Variants in RPH3AL observed in about 807,000 individuals in gnomAD.
RPH3AL encodes the protein rab effector Noc2.
A neutral mutation model predicts 43.1 loss-of-function variants in RPH3AL; 38 were observed. The ratio of observed to expected loss-of-function variants is 0.88; its 90% CI spans 0.68 to 1.15. The LOEUF (loss-of-function observed/expected upper bound fraction) is 1.15, where lower values mean the gene tolerates loss of function less well. RPH3AL is among the 50% of genes most tolerant of loss of function. The probability of loss-of-function intolerance (pLI) is 0.00; values close to 1 mark genes in which losing one functional copy is unlikely to be tolerated. For missense variants in RPH3AL, 462 were observed against 423.2 expected (o/e 1.09, Z -0.81); for synonymous variants, 189 against 176.3 (o/e 1.07, Z -0.57).
chr17:333,310 T>C lies in RPH3AL; in HGVS notation c.-37+449A>G. On this transcript the variant is annotated intron_variant, in intron 2 of 9. Coordinates refer to ENST00000331302, the MANE Select transcript of RPH3AL (RefSeq NM_006987.4). The surrounding 1 kb of genome is among the most constrained non-coding windows in gnomAD (Gnocchi z 4.5). ...TCACTCCTGGGGGCGGTAGGATATTTTATCCTAAAGAGAAAACACCTTAAA... is the reference window on the plus strand; with the variant it reads ...TCACTCCTGGGGGCGGTAGGATATTCTATCCTAAAGAGAAAACACCTTAAA... 2 of 1,283,534 alleles carry C rather than the reference T, an allele frequency of 1.6e-6. No individual in the cohort carries two copies. The highest frequency in any genetic ancestry group is 2.0e-6 in the Non-Finnish European group (2 of 985,170). The allele number at this position is 1,283,534 out of a possible 1,614,324, so 79.5% of individuals were successfully genotyped here.
intron 6 of RPH3AL, among the ~76,000 whole-genome samples, chr17:277,135 G>C (rs986739060): frequency 6.6e-6 from 1 of 152,096 alleles, no homozygotes; most frequent in African/African-American, 2.4e-5. Context: ...ACAGTAATAA[G>C]AGAAAGAAAT....
At chr17:269,041 G>A (rs1030240098) in intron 6 of RPH3AL, among the ~76,000 whole-genome samples, 1 of 152,076 alleles carries the variant, frequency 6.6e-6, no homozygotes, top group African/African-American at 2.4e-5. Flanking sequence ...ACCACGCCTG[G>A]CTAATTTTTT....
chr17:239,249 A>C (rs1263855657), intron 7 of RPH3AL, among the ~76,000 whole-genome samples: 4 of 151,952 alleles, frequency 2.6e-5, no homozygotes, highest in Non-Finnish European at 5.9e-5. Flanking sequence ...GAGATAACAC[A>C]GAGGACAGGA....
chr17:215,470 C>A lies in RPH3AL; in HGVS notation c.876+184G>T, dbSNP rs982976353. On this transcript the variant is annotated intron_variant, in intron 9 of 9. Transcript: ENST00000331302. This position sits in a 1 kb window ranked among gnomAD's most constrained non-coding sequence, Gnocchi z 4.1. ...GATGGCTACCATTATCATTCTGGGT[C>A]CCTCTCTCTGTTCCTTGCAGGCAGG... 6.6e-6 allele frequency among the ~76,000 whole-genome samples: 1 copy of A among 152,240 alleles called. No homozygotes were observed. Among genetic ancestry groups the A allele is most frequent in the Non-Finnish European group, 1.5e-5 (1 of 68,046 alleles).
chr17:328,685 C>T lies in RPH3AL; in HGVS notation c.-36-1106G>A, dbSNP rs1683087184. 6.6e-6 allele frequency among the ~76,000 whole-genome samples: 1 copy of T among 151,874 alleles called. No individual in the cohort carries two copies. The highest frequency in any genetic ancestry group is 2.4e-5 in the African/African-American group (1 of 41,190). On this transcript the variant is annotated intron_variant, in intron 2 of 9. Transcript: ENST00000331302. This position sits in a 1 kb window ranked among gnomAD's most constrained non-coding sequence, Gnocchi z 4.2. The stretch of plus-strand genomic sequence containing the variant: ...TCAACTGATGAATGAGGAAAATGTG[C>T]TATATCCATACGATGATTATTATTT...
Position 297,423 on chromosome 17 carries a change from C to T in RPH3AL, c.352-15569G>A, listed in dbSNP as rs114916794. ...TGCTCAGAAGTTCCAGAGGTCTGGA[C>T]GTGTGACTGGCATCTGAGGCGGGGG... On this transcript the variant is annotated intron_variant, in intron 5 of 9. Transcript: ENST00000331302. Among the ~76,000 whole-genome samples, 503 of 152,316 alleles carry T rather than the reference C, an allele frequency of 3.3e-3. 1 individual carries two copies. Among genetic ancestry groups the T allele is most frequent in the African/African-American group, 0.011 (470 of 41,566 alleles).
At position 317,336 on chromosome 17, in the gene RPH3AL, T is replaced by C. The variant is rs71355216; in HGVS notation, c.351+2084A>G. Among the ~76,000 whole-genome samples the C allele has an allele frequency of 2.0e-4, 29 of 145,366 alleles. 1 individual carries two copies. The highest frequency in any genetic ancestry group is 7.1e-4 in the African/African-American group (27 of 37,796). ...CTTTAGTCCATGTGCCCCACCTCCA[T>C]TGACCTGAAGTCCCTGTGCCCCCAC... On this transcript the variant is annotated intron_variant, in intron 5 of 9. Coordinates refer to ENST00000331302, the MANE Select transcript of RPH3AL (RefSeq NM_006987.4).
intron 1 of RPH3AL, among the ~76,000 whole-genome samples, chr17:334,470 G>A (rs1018883612): frequency 4.4e-4 from 53 of 119,700 alleles, no homozygotes; most frequent in African/African-American, 1.3e-3. Context: ...CGCCTTCTCC[G>A]AGGGCCAGCC....
chr17:298,759 T>C (rs1398358424), intron 5 of RPH3AL, among the ~76,000 whole-genome samples: 1 of 152,094 alleles, frequency 6.6e-6, no homozygotes, highest in African/African-American at 2.4e-5. Flanking sequence ...ACTTATCTTT[T>C]ATCTGAAAAA....
At chr17:352,394 G>T (rs1053129498) in intron 1 of RPH3AL, among the ~76,000 whole-genome samples, 7 of 152,150 alleles carry the variant, frequency 4.6e-5, no homozygotes, top group Non-Finnish European at 5.9e-5. Flanking sequence ...CACAGAAAGA[G>T]CAACGGAGGC....
At chr17:254,504 G>A (rs369600592) in intron 6 of RPH3AL, among the ~76,000 whole-genome samples, 2 of 10,532 alleles carry the variant, frequency 1.9e-4, no homozygotes, top group African/African-American at 1.0e-3. Context: ...TACTTCCTAT[G>A]AGGGGAGCTG....
intron 1 of RPH3AL, among the ~76,000 whole-genome samples, chr17:346,939 G>A (rs146061913): frequency 1.5e-5 from 2 of 135,530 alleles, no homozygotes; most frequent in East Asian, 2.4e-4. Flanking sequence ...GAGGATGTGC[G>A]GCAACAGGAA....
intron 6 of RPH3AL, among the ~76,000 whole-genome samples, chr17:252,031 G>A (rs1555542753): frequency 6.6e-6 from 1 of 151,256 alleles, no homozygotes; most frequent in African/African-American, 2.4e-5. Flanking sequence ...GGAGTGCAGT[G>A]GAGCAATCGG....
At chr17:319,036 C>G (rs551415347) in intron 5 of RPH3AL, among the ~76,000 whole-genome samples, 1 of 152,332 alleles carries the variant, frequency 6.6e-6, no homozygotes, top group East Asian at 1.9e-4. Flanking sequence ...AATATTTAAT[C>G]CTCATAGCAT....
At chr17:331,862 C>T in intron 2 of RPH3AL, 1 of 1,289,118 alleles carries the variant, frequency 7.8e-7, no homozygotes, top group Middle Eastern at 2.1e-4. Flanking sequence ...CGCCCTTGTA[C>T]TCAGGTATGA....
rs1567617088 is a variant in RPH3AL, at chr17:289,178, C to CA, written c.352-7325dup. On this transcript the variant is annotated intron_variant, in intron 5 of 9. Coordinates refer to ENST00000331302, the MANE Select transcript of RPH3AL (RefSeq NM_006987.4). The surrounding 1 kb of genome is among the most constrained non-coding windows in gnomAD (Gnocchi z 5.2). ...GTAAGTTGGTGGTAACAGGCCCCCC[C>CA]ACACCCCAGGTTGCAGATGAGGGGA... Among the ~76,000 whole-genome samples, 2 of 152,082 alleles carry CA rather than the reference C, an allele frequency of 1.3e-5. No homozygotes were observed. The highest frequency in any genetic ancestry group is 4.8e-5 in the African/African-American group (2 of 41,414).
At chr17:242,567 A>G (rs2041578011) in intron 7 of RPH3AL, among the ~76,000 whole-genome samples, 1 of 117,626 alleles carries the variant, frequency 8.5e-6, no homozygotes. Flanking sequence ...ACCTTCCTCT[A>G]TTGACTACCT....
chr17:316,768 A>T (rs200950133), intron 5 of RPH3AL, among the ~76,000 whole-genome samples: 6,557 of 53,978 alleles, frequency 0.12, no homozygotes, highest in South Asian at 0.21. Flanking sequence ...CATTGACCTG[A>T]AGTCCCTGTG....
At chr17:259,750 GT>G (rs2042156002) in intron 6 of RPH3AL, among the ~76,000 whole-genome samples, 1 of 152,232 alleles carries the variant, frequency 6.6e-6, no homozygotes, top group African/African-American at 2.4e-5. Context: ...AACGCTCCTG[GT>G]ACCGCTGCTC....
Sources: gnomAD v4.1 joint callset for allele counts (sites outside exome capture counted in the v4.1 genomes callset) on GRCh38, gnomAD v4.1.1 for gene constraint, Gnocchi (gnomAD v3.1) non-coding constraint, MANE v1.5 for transcripts, NCBI Gene and HGNC (gene_info 2026-07-23, HGNC 2026-07-21) for gene names.